Variants in KIF26B observed in about 807,000 individuals in gnomAD.
KIF26B encodes the protein kinesin-like protein KIF26B.
In KIF26B, 63 loss-of-function variants were observed where a neutral mutation model predicts 151.2. That is an observed-to-expected ratio of 0.42 (90% CI 0.34 to 0.51). The LOEUF (loss-of-function observed/expected upper bound fraction) is 0.51. KIF26B is among the 20% of genes least tolerant of loss of function. The pLI is 0.07. For synonymous variants in KIF26B, 1,357 were observed against 1,262.1 expected (o/e 1.08, Z -1.59); for missense variants, 2,813 against 2,913.6 (o/e 0.97, Z 0.79).
intron 4 of KIF26B, among the ~76,000 whole-genome samples, chr1:245,464,557 C>CTGTGTGGG (rs796760158): frequency 1.7e-5 from 2 of 117,416 alleles, no homozygotes; most frequent in Non-Finnish European, 3.5e-5. Context: ...GGGTGTGTTC[C>CTGTGTGGG]TGTGTGGGTG....
intron 4 of KIF26B, among the ~76,000 whole-genome samples, chr1:245,498,178 GGTAA>G (rs1303892771): frequency 6.6e-6 from 1 of 152,102 alleles, no homozygotes; most frequent in African/African-American, 2.4e-5. Flanking sequence ...AGCAGGACGA[GGTAA>G]GTGAGATGAG....
intron 9 of KIF26B, among the ~76,000 whole-genome samples, chr1:245,625,085 C>A (rs2043709323): frequency 6.6e-6 from 1 of 152,146 alleles, no homozygotes; most frequent in Non-Finnish European, 1.5e-5. Context: ...TTATGTGCAA[C>A]TATTTCTAGA....
chr1:245,299,191 C>T (rs763444031), intron 2 of KIF26B, among the ~76,000 whole-genome samples: 6 of 152,082 alleles, frequency 3.9e-5, no homozygotes, highest in Non-Finnish European at 7.3e-5. Context: ...ATTATTATTG[C>T]GTTGGTGCCA....
At chr1:245,175,564 TGTTG>T (rs1437295644) in intron 2 of KIF26B, among the ~76,000 whole-genome samples, 3 of 152,300 alleles carry the variant, frequency 2.0e-5, no homozygotes, top group South Asian at 4.1e-4. Flanking sequence ...GGCAAATTTC[TGTTG>T]GTTGAGATTC....
intron 4 of KIF26B, among the ~76,000 whole-genome samples, chr1:245,509,979 C>T (rs1397966852): frequency 6.6e-6 from 1 of 152,226 alleles, no homozygotes; most frequent in African/African-American, 2.4e-5. Context: ...CTCCCTTGGG[C>T]ATCATCTGGG....
At chr1:245,681,497 C>T (rs970530446) in intron 10 of KIF26B, among the ~76,000 whole-genome samples, 10 of 152,150 alleles carry the variant, frequency 6.6e-5, no homozygotes, top group Admixed American at 5.9e-4. Context: ...GCATGAGCCA[C>T]CGCGCCCGGC....
intron 4 of KIF26B, among the ~76,000 whole-genome samples, chr1:245,471,879 C>T (rs1228507094): frequency 6.6e-6 from 1 of 151,976 alleles, no homozygotes; most frequent in Non-Finnish European, 1.5e-5. Context: ...GCAACCTCCA[C>T]CTCCCGGGTT....
intron 9 of KIF26B, among the ~76,000 whole-genome samples, chr1:245,629,352 C>A (rs1183995541): frequency 6.6e-6 from 1 of 152,134 alleles, no homozygotes; most frequent in South Asian, 2.1e-4. Context: ...AACTATACTA[C>A]AAGGCTACAG....
intron 2 of KIF26B, among the ~76,000 whole-genome samples, chr1:245,297,475 G>A (rs1255710196): frequency 6.6e-6 from 1 of 152,182 alleles, no homozygotes; most frequent in Non-Finnish European, 1.5e-5. Flanking sequence ...AGTCTTTGCT[G>A]ATTCCATGTC....
At chr1:245,611,689 A>G (rs1432896245) in intron 8 of KIF26B, 104 bp from the exon 9 acceptor site, 4 of 1,237,140 alleles carry the variant, frequency 3.2e-6, no homozygotes, top group Admixed American at 4.4e-5. Context: ...TGGCTTTACT[A>G]TACAGAACAC....
In KIF26B at chr1:245,460,742, C is replaced by T. The variant is rs151008013; in HGVS notation, c.1166+40997C>T. Among the ~76,000 whole-genome samples, 70 of 152,272 alleles carry T rather than the reference C, an allele frequency of 4.6e-4. No individual in the cohort carries two copies. In the Middle Eastern group the frequency reaches 0.01, roughly 22 times the overall value. ...GACCTCAGGCCGTGGTGTGCATGCC[C>T]GTGTATCGGTGTGGGTATGTGCACC... On this transcript the variant is annotated intron_variant, in intron 4 of 14. Transcript: ENST00000407071.
At chr1:245,569,566 C>T (rs531632746) in intron 5 of KIF26B, among the ~76,000 whole-genome samples, 139 of 152,172 alleles carry the variant, frequency 9.1e-4, no homozygotes, top group African/African-American at 3.1e-3. Context: ...AAGATCCTGT[C>T]ACTGCACTCC....
chr1:245,328,919 C>T (rs1185224597), intron 2 of KIF26B, among the ~76,000 whole-genome samples: 1 of 152,214 alleles, frequency 6.6e-6, no homozygotes, highest in Non-Finnish European at 1.5e-5. Context: ...TATGTCCACC[C>T]ACATTCTGTG....
intron 9 of KIF26B, among the ~76,000 whole-genome samples, chr1:245,632,384 C>T (rs1490331098): frequency 6.6e-6 from 1 of 152,070 alleles, no homozygotes; most frequent in Non-Finnish European, 1.5e-5. Flanking sequence ...ATCTAAGATG[C>T]TTGATATGAT....
chr1:245,324,934 A>G (rs914738538), intron 2 of KIF26B, among the ~76,000 whole-genome samples: 2 of 151,786 alleles, frequency 1.3e-5, no homozygotes, highest in African/African-American at 4.8e-5. Flanking sequence ...GTCTCTACTT[A>G]AAATACAAAA....
intron 10 of KIF26B, among the ~76,000 whole-genome samples, chr1:245,665,142 T>C (rs903485565): frequency 1.3e-5 from 2 of 152,258 alleles, no homozygotes; most frequent in African/African-American, 4.8e-5. Context: ...TAATCTTCTA[T>C]ACAGTTTGAG....
intron 5 of KIF26B, among the ~76,000 whole-genome samples, chr1:245,558,392 G>A (rs976081311): frequency 8.5e-5 from 13 of 152,122 alleles, no homozygotes; most frequent in Admixed American, 3.3e-4. Flanking sequence ...TCTCACCTTC[G>A]GGCCTTTGAC....
intron 2 of KIF26B, among the ~76,000 whole-genome samples, chr1:245,164,800 C>T (rs376902899): frequency 7.2e-5 from 11 of 152,150 alleles, no homozygotes; most frequent in South Asian, 2.1e-4. Context: ...TGGCCAGGCA[C>T]GGTGGCTCAC....
chr1:245,250,277 T>C (rs1055632142), intron 2 of KIF26B, among the ~76,000 whole-genome samples: 3 of 152,216 alleles, frequency 2.0e-5, no homozygotes, highest in East Asian at 1.9e-4. Flanking sequence ...TACAATACCG[T>C]ATATTTTGTA....
Sources: allele counts gnomAD v4.1 joint callset (sites outside exome capture counted in the v4.1 genomes callset), GRCh38; gene constraint gnomAD v4.1.1; transcripts MANE v1.5; gene names NCBI Gene and HGNC (gene_info 2026-07-23, HGNC 2026-07-21).